NDP: variants seen among roughly 807,000 people sequenced by gnomAD.
The protein encoded by NDP is norrin.
NDP carries 2 observed loss-of-function variants against 8.4 expected under a neutral mutation model. The ratio of observed to expected loss-of-function variants is 0.24; its 90% CI spans 0.10 to 0.75. NDP has a LOEUF of 0.75. Among genes scored for constraint, NDP ranks in the 30% least tolerant of loss-of-function variants. NDP has a pLI of 0.73. For synonymous variants in NDP, 55 were observed against 45.6 expected, an observed-to-expected ratio of 1.21 and a Z score of -0.83; for missense variants, 81 against 110.1, an observed-to-expected ratio of 0.74 and a Z score of 1.18.
chrX:43,969,185 C>G (rs1011895243), intron 1 of NDP, among the ~76,000 whole-genome samples: 1 of 111,993 alleles, frequency 8.9e-6, no homozygotes, highest in African/African-American at 3.2e-5. Flanking sequence ...AAATCCCGCC[C>G]CATCTCCAAA....
chrX:43,959,741 T>A (rs991263581), intron 1 of NDP, among the ~76,000 whole-genome samples: 5 of 111,953 alleles, frequency 4.5e-5, no homozygotes, highest in Non-Finnish European at 9.4e-5. Flanking sequence ...TTCTTTTTTT[T>A]AACCACAACA....
intron 1 of NDP, among the ~76,000 whole-genome samples, chrX:43,970,245 C>T (rs1270009991): frequency 8.9e-6 from 1 of 112,337 alleles, no homozygotes; most frequent in African/African-American, 3.2e-5. Context: ...CTTCCCCGCT[C>T]TGCCTTAGCA....
intron 1 of NDP, chrX:43,966,489 G>A (rs2035858584): frequency 8.9e-6 from 1 of 111,870 alleles, no homozygotes; most frequent in Non-Finnish European, 1.9e-5. Context: ...TGAGGAATGA[G>A]ACACACTCTA....
At chrX:43,970,902 C>G (rs1432702990) in intron 1 of NDP, among the ~76,000 whole-genome samples, 1 of 111,829 alleles carries the variant, frequency 8.9e-6, no homozygotes, top group East Asian at 2.8e-4. Context: ...GATTCTTCTA[C>G]CCAGGCTGGA....
intron 2 of NDP, among the ~76,000 whole-genome samples, chrX:43,951,162 C>T (rs779525768): frequency 2.0e-4 from 22 of 110,862 alleles, no homozygotes; most frequent in Non-Finnish European, 3.0e-4. Flanking sequence ...GCCTATAATC[C>T]CAACACTTTG....
intron 1 of NDP, among the ~76,000 whole-genome samples, chrX:43,971,688 T>C (rs1269155627): frequency 8.9e-6 from 1 of 112,259 alleles, no homozygotes; most frequent in East Asian, 2.8e-4. Context: ...AACCGCAGTT[T>C]TTTTAAAAAA....
intron 1 of NDP, chrX:43,961,029 A>C (rs1260725360): frequency 8.9e-6 from 1 of 112,750 alleles, no homozygotes; most frequent in Non-Finnish European, 1.9e-5. Flanking sequence ...TTCTCCACAG[A>C]AAAAGGAAAT....
chrX:43,958,574 A>C lies in NDP; in HGVS notation c.72T>G (p.Ser24Arg). 1 of 1,210,957 alleles carries C rather than the reference A, an allele frequency of 8.3e-7. No individual in the cohort carries two copies. The highest frequency in any genetic ancestry group is 1.1e-6 in the Non-Finnish European group (1 of 894,518). Residue 24 changes from serine (S) to arginine (R), a missense_variant, in exon 2 of 3, where the codon AGT (serine) becomes AGG (arginine). Ser to Arg is a moderately radical substitution (Grantham distance 110). Transcript: ENST00000642620. ...CCATTATGAATGAGCTGTCCGTTTT[A>C]CTGTCTGTATCTCCCATTATCACCA... ...SLLVIMGDTD[S>R]KTDSSFIMDS...
chrX:43,955,151 A>C (rs2035785259), intron 2 of NDP, among the ~76,000 whole-genome samples: 1 of 112,093 alleles, frequency 8.9e-6, no homozygotes, highest in African/African-American at 3.2e-5. Context: ...GAACTACAAT[A>C]AGGTTCATTT....
At position 43,949,053 on chromosome X, in the gene NDP, A is replaced by C. The variant is rs989900133; in HGVS notation, c.*746T>G. 1 of 112,717 alleles carries C rather than the reference A, an allele frequency of 8.9e-6. No individual in the cohort carries two copies. The highest frequency in any genetic ancestry group is 3.2e-5 in the African/African-American group (1 of 30,837). 9.3% of individuals were successfully genotyped at this position (112,717 alleles called of 1,213,427 possible). On this transcript the variant is annotated 3_prime_UTR_variant, in exon 3 of 3. Transcript: ENST00000642620. Reference sequence around the variant, plus strand: ...GTACATATATGCCTTTTCCAGAGTCAGTGCAGGATCCGTATTTGTGCAAGT... The same window carrying C: ...GTACATATATGCCTTTTCCAGAGTCCGTGCAGGATCCGTATTTGTGCAAGT...
chrX:43,965,244 A>G (rs1466259686), intron 1 of NDP, among the ~76,000 whole-genome samples: 3 of 110,368 alleles, frequency 2.7e-5, no homozygotes, highest in Non-Finnish European at 5.7e-5. Context: ...GGGAGACTTC[A>G]TCTCTACAAA....
intron 2 of NDP, among the ~76,000 whole-genome samples, chrX:43,957,016 C>T (rs1400359831): frequency 8.9e-6 from 1 of 111,870 alleles, no homozygotes; most frequent in East Asian, 2.8e-4. Flanking sequence ...TTTCTTTGTT[C>T]CTTTCTATCA....
intron 1 of NDP, among the ~76,000 whole-genome samples, chrX:43,959,883 T>C (rs2035816896): frequency 8.9e-6 from 1 of 112,645 alleles, no homozygotes; most frequent in African/African-American, 3.2e-5. Context: ...AGATAAAAGT[T>C]TGATCATTTT....
In NDP at chrX:43,950,013, G is replaced by T; in HGVS notation, c.188C>A (p.Ala63Asp). ...CTGGCTGCAGTGCCCCTCGCACCTG[G>T]CCAGGAGCACCATCTGGGGAAAGAA... ...YKCSSKMVLL[A>D]RCEGHCSQAS... The change falls in exon 3 of 3, where the codon GCC (alanine) becomes GAC (aspartate). Residue 63 changes from alanine (A) to aspartate (D), a missense_variant. Physicochemically the swap from Ala to Asp is moderately radical, Grantham distance 126 (BLOSUM62 -2). Coordinates refer to ENST00000642620, the MANE Select transcript of NDP (RefSeq NM_000266.4). 1 of 1,201,870 alleles carries T rather than the reference G, an allele frequency of 8.3e-7. No homozygotes were observed.
intron 1 of NDP, among the ~76,000 whole-genome samples, chrX:43,968,122 T>C (rs772945802): frequency 1.8e-5 from 2 of 111,365 alleles, no homozygotes; most frequent in African/African-American, 3.3e-5. Flanking sequence ...TACCCATTCT[T>C]TGAATTTTCT....
At chrX:43,970,105 A>G (rs1328678959) in intron 1 of NDP, among the ~76,000 whole-genome samples, 2 of 112,151 alleles carry the variant, frequency 1.8e-5, no homozygotes, top group African/African-American at 6.5e-5. Flanking sequence ...AATTCCAAAC[A>G]TACCATCCCA....
intron 1 of NDP, among the ~76,000 whole-genome samples, chrX:43,961,868 C>T (rs982175672): frequency 5.4e-5 from 6 of 111,544 alleles, no homozygotes; most frequent in Admixed American, 1.9e-4. Flanking sequence ...TACATTACTG[C>T]CACCTAGTAG....
chrX:43,950,458 CAAAAAA>C (rs11292831), intron 2 of NDP, among the ~76,000 whole-genome samples: 1 of 59,300 alleles, frequency 1.7e-5, no homozygotes, highest in African/African-American at 6.3e-5. Flanking sequence ...AAATGACTAC[CAAAAAA>C]AAAAAAAAAA....
At chrX:43,959,114 C>T (rs920116346) in intron 1 of NDP, among the ~76,000 whole-genome samples, 1 of 111,849 alleles carries the variant, frequency 8.9e-6, no homozygotes, top group Admixed American at 9.5e-5. Flanking sequence ...GTTCCTAGGG[C>T]CAAGAATAGT....
Sources: allele counts gnomAD v4.1 joint callset (sites outside exome capture counted in the v4.1 genomes callset), GRCh38; gene constraint gnomAD v4.1.1; transcripts MANE v1.5; gene names NCBI Gene and HGNC (gene_info 2026-07-23, HGNC 2026-07-21).